The following REEP1 variants were observed in gnomAD, a reference collection of about 807,000 sequenced individuals.
REEP1 encodes receptor expression-enhancing protein 1.
A neutral mutation model predicts 40.3 loss-of-function variants in REEP1; 22 were observed. The observed-to-expected ratio is 0.55, with a 90% CI of 0.39 to 0.78. REEP1 has a LOEUF of 0.78. REEP1 is among the 30% of genes least tolerant of loss of function. REEP1 has a pLI of 0.00. For missense variants in REEP1, 280 were observed against 361.1 expected, an observed-to-expected ratio of 0.78 and a Z score of 1.82; for synonymous variants, 116 against 139.2, an observed-to-expected ratio of 0.83 and a Z score of 1.17.
chr2:86,335,939 A>G (rs1681008624), intron 1 of REEP1, among the ~76,000 whole-genome samples: 1 of 148,606 alleles, frequency 6.7e-6, no homozygotes, highest in Non-Finnish European at 1.5e-5. Flanking sequence ...AAAACTAATG[A>G]TAGTCACATG....
chr2:86,249,225 A>C (rs1257194471), intron 5 of REEP1, among the ~76,000 whole-genome samples: 1 of 151,082 alleles, frequency 6.6e-6, no homozygotes, highest in African/African-American at 2.4e-5. Context: ...GTACCACTAT[A>C]CTCCAGCCTA....
chr2:86,336,089 C>T (rs1208577756), intron 1 of REEP1, among the ~76,000 whole-genome samples: 1 of 152,152 alleles, frequency 6.6e-6, no homozygotes, highest in African/African-American at 2.4e-5. Context: ...GGAAACACCA[C>T]CCTGAAGGCA....
intron 7 of REEP1, among the ~76,000 whole-genome samples, chr2:86,224,803 T>C (rs895585909): frequency 6.6e-5 from 10 of 152,034 alleles, no homozygotes; most frequent in African/African-American, 2.2e-4. Context: ...CAACCACAGC[T>C]CTATTGAAAT....
intron 1 of REEP1, among the ~76,000 whole-genome samples, chr2:86,313,097 T>C (rs1220936077): frequency 6.6e-6 from 1 of 152,132 alleles, no homozygotes; most frequent in East Asian, 1.9e-4. Flanking sequence ...ATTAAAAGAA[T>C]ATCAGAAATT....
intron 1 of REEP1, among the ~76,000 whole-genome samples, chr2:86,328,916 G>A (rs139187740): frequency 8.5e-5 from 13 of 152,332 alleles, no homozygotes; most frequent in Non-Finnish European, 1.3e-4. Context: ...GCAGATGGCT[G>A]TTAACCAGCT....
chr2:86,226,126 C>CCACCAT (rs1674683618), intron 7 of REEP1, among the ~76,000 whole-genome samples: 2 of 121,898 alleles, frequency 1.6e-5, no homozygotes, highest in Non-Finnish European at 3.5e-5. Flanking sequence ...ATCATCACCA[C>CCACCAT]CACCACCACC....
intron 5 of REEP1, among the ~76,000 whole-genome samples, chr2:86,243,123 G>C (rs1675755762): frequency 6.6e-6 from 1 of 152,174 alleles, no homozygotes; most frequent in Admixed American, 6.5e-5. Context: ...ACAGCGGAAG[G>C]TGAGGGACAG....
intron 2 of REEP1, among the ~76,000 whole-genome samples, chr2:86,273,591 C>A (rs1008870557): frequency 2.0e-5 from 3 of 152,026 alleles, no homozygotes; most frequent in African/African-American, 7.2e-5. Context: ...CGCAAACTGG[C>A]CCCTAATTAT....
At chr2:86,218,473 C>T (rs1377130112) in intron 8 of REEP1, among the ~76,000 whole-genome samples, 1 of 152,246 alleles carries the variant, frequency 6.6e-6, no homozygotes, top group Non-Finnish European at 1.5e-5. Context: ...AGCCTTACCA[C>T]TAGGAAATGC....
At chr2:86,235,379 C>G (rs1559513) in intron 5 of REEP1, among the ~76,000 whole-genome samples, 132,586 of 152,220 alleles carry the variant, frequency 0.87, 58,315 homozygotes, top group East Asian at 0.98. Context: ...GCCGGCTGCT[C>G]GTGCGGATTC....
chr2:86,252,393 A>G (rs1240799636), intron 4 of REEP1, among the ~76,000 whole-genome samples: 1 of 152,150 alleles, frequency 6.6e-6, no homozygotes, highest in African/African-American at 2.4e-5. Flanking sequence ...ACAGCCACTC[A>G]CCAGACACTG....
chr2:86,275,738 G>C (rs943788020), intron 2 of REEP1, among the ~76,000 whole-genome samples: 1 of 152,294 alleles, frequency 6.6e-6, no homozygotes, highest in East Asian at 1.9e-4. Flanking sequence ...GCCCTACAAA[G>C]CATGTGACTC....
At chr2:86,294,188 G>A (rs1204585052) in intron 1 of REEP1, among the ~76,000 whole-genome samples, 1 of 152,128 alleles carries the variant, frequency 6.6e-6, no homozygotes, top group African/African-American at 2.4e-5. Flanking sequence ...ATAATTTTCA[G>A]TTTTGCAAGA....
In REEP1 at chr2:86,216,879, A is replaced by C. The variant is rs533926785; in HGVS notation, c.*160T>G. 12 of 640,970 alleles carry C rather than the reference A, an allele frequency of 1.9e-5. No homozygotes were observed. The highest frequency in any genetic ancestry group is 3.3e-5 in the Non-Finnish European group (12 of 366,878). 39.7% of individuals were successfully genotyped at this position (640,970 alleles called of 1,614,324 possible). On this transcript the variant is annotated 3_prime_UTR_variant, in exon 9 of 9. Transcript: ENST00000538924. ...GCAAAATAAAGAAAAGGGGGAAAAAAATAAATCCTTAAAAGTGGAAGGGGA... is the reference window on the plus strand; with the variant it reads ...GCAAAATAAAGAAAAGGGGGAAAAACATAAATCCTTAAAAGTGGAAGGGGA...
intron 5 of REEP1, among the ~76,000 whole-genome samples, chr2:86,238,806 A>G (rs547990765): frequency 2.0e-5 from 3 of 152,250 alleles, no homozygotes; most frequent in South Asian, 2.1e-4. Flanking sequence ...ACCAGGTAGA[A>G]AAAGAAGGAA....
At chr2:86,318,398 TTC>T (rs1432179737) in intron 1 of REEP1, among the ~76,000 whole-genome samples, 716 of 71,070 alleles carry the variant, frequency 0.01, 8 homozygotes, top group Admixed American at 0.02. Flanking sequence ...TTCTTTTCTT[TTC>T]TTTTTTTTTT....
At chr2:86,310,856 T>C (rs1371844280) in intron 1 of REEP1, among the ~76,000 whole-genome samples, 1 of 152,144 alleles carries the variant, frequency 6.6e-6, no homozygotes, top group East Asian at 1.9e-4. Context: ...ACATAAACAC[T>C]GGTGAAGTTA....
chr2:86,259,920 C>T (rs1481153296), intron 3 of REEP1, among the ~76,000 whole-genome samples: 1 of 152,114 alleles, frequency 6.6e-6, no homozygotes, highest in East Asian at 1.9e-4. Flanking sequence ...GGCTCCAATT[C>T]TGGAAGAGAA....
intron 6 of REEP1, 149 bp from the exon 7 acceptor site, chr2:86,227,547 A>G (rs1437841778): frequency 3.8e-6 from 2 of 532,834 alleles, no homozygotes; most frequent in Non-Finnish European, 5.7e-6. Flanking sequence ...TAGAGACACC[A>G]AAGTGGGGAA....
Sources: gnomAD v4.1 joint callset for allele counts (sites outside exome capture counted in the v4.1 genomes callset) on GRCh38, gnomAD v4.1.1 for gene constraint, MANE v1.5 for transcripts, NCBI Gene and HGNC (gene_info 2026-07-23, HGNC 2026-07-21) for gene names.